Variants in CROCC observed in about 807,000 individuals in gnomAD.
The protein encoded by CROCC is rootletin.
A neutral mutation model predicts 245.2 loss-of-function variants in CROCC; 180 were observed. That is an observed-to-expected ratio of 0.73 (90% CI 0.65 to 0.83). CROCC has a LOEUF of 0.83. Among genes scored for constraint, CROCC ranks in the 40% least tolerant of loss-of-function variants. CROCC has a pLI of 0.00. For synonymous variants in CROCC, 1,205 were observed against 1,241.6 expected (o/e 0.97, Z 0.62); for missense variants, 2,688 against 2,779.4 (o/e 0.97, Z 0.74).
intron 31 of CROCC, 151 bp from the exon 32 acceptor site, chr1:16,968,950 GGCTGAGCCAGCAGGA>G: frequency 1.3e-6 from 1 of 748,260 alleles, no homozygotes. Context: ...GGTGGCAGTA[GGCTGAGCCAGCAGGA>G]GTGCTTAGGA....
Position 16,940,044 on chromosome 1 carries a change from G to T in CROCC, c.1759G>T (p.Ala587Ser), listed in dbSNP as rs760255950. The change falls in exon 13 of 37, where the codon GCC becomes TCC. Residue 587 changes from alanine to serine, a missense_variant. By Grantham distance (99) the Ala-to-Ser change is moderately conservative. This residue lies in a region of CROCC where 972 missense variants were observed against 895.3 expected (regional missense o/e 1.09). Coordinates refer to ENST00000375541, the MANE Select transcript of CROCC (RefSeq NM_014675.5). ...TDGAMQAHEDAQREVQRLRSA... is the reference protein window; with the variant it reads ...TDGAMQAHEDSQREVQRLRSA... ...CGGCGCCATGCAGGCCCACGAGGAC[G>T]CCCAGCGCGAGGTGCAGCGGCTGCG... The T allele has an allele frequency of 8.1e-6, 13 of 1,610,248 alleles. No individual in the cohort carries two copies. The highest frequency in any genetic ancestry group is 2.2e-5 in the East Asian group (1 of 44,886).
At chr1:16,924,237 G>T (rs118096108) in intron 2 of CROCC, 88 bp from the exon 3 acceptor site, 11 of 1,512,506 alleles carry the variant, frequency 7.3e-6, no homozygotes, top group African/African-American at 1.4e-5. Flanking sequence ...CCTCCCAGGG[G>T]CCTGGATGGT....
intron 3 of CROCC, among the ~76,000 whole-genome samples, chr1:16,924,897 G>A (rs1272927273): frequency 1.3e-5 from 2 of 152,266 alleles, no homozygotes; most frequent in African/African-American, 4.8e-5. Flanking sequence ...GCTGGTGTGG[G>A]CACCCGCGGT....
At chr1:16,961,193 C>G (rs2076327711) in intron 27 of CROCC, 63 bp downstream of exon 27, 11 of 1,246,642 alleles carry the variant, frequency 8.8e-6, no homozygotes, top group African/African-American at 1.6e-5. Context: ...GGCCCCGCCC[C>G]CACATGGCAG....
Position 16,965,982 on chromosome 1 carries a change from C to A in CROCC, c.4576-17C>A, listed in dbSNP as rs377344162. The A allele has an allele frequency of 1.4e-5, 22 of 1,609,850 alleles. No individual in the cohort carries two copies. The highest frequency in any genetic ancestry group is 1.8e-5 in the Non-Finnish European group (21 of 1,177,038). On this transcript the variant is annotated splice_polypyrimidine_tract_variant and intron_variant, in intron 28 of 36. Coordinates refer to ENST00000375541, the MANE Select transcript of CROCC (RefSeq NM_014675.5). ...AGAGCAGGGGTCTGTCTTTGTTCCC[C>A]CATGTCGGGGCTACAGGACGAACTT...
At chr1:16,927,702 C>T (rs1252003830) in intron 3 of CROCC, among the ~76,000 whole-genome samples, 1 of 152,414 alleles carries the variant, frequency 6.6e-6, no homozygotes, top group Admixed American at 6.5e-5. Context: ...AACATCAGTG[C>T]ACAGCCTGTG....
At position 16,960,913 on chromosome 1, in the gene CROCC, C is replaced by A; in HGVS notation, c.4188C>A (p.Ala1396=). Residue 1396 remains alanine (A), a synonymous_variant, in exon 27 of 37, where the codon GCC becomes GCA. Transcript: ENST00000375541. ...AGCTGAAGCTGGAGGCGGCGCGGGC[C>A]GAGGCTGCAGAGCTGGGCCTGCGGC... ...GLELKLEAAR[A]EAAELGLRLS... is the part of the protein sequence containing the mutation. The A allele has an allele frequency of 6.7e-7, 1 of 1,503,716 alleles. No individual in the cohort carries two copies. The highest frequency in any genetic ancestry group is 8.8e-7 in the Non-Finnish European group (1 of 1,133,504). The allele number at this position is 1,503,716 out of a possible 1,614,324, so 93.1% of individuals were successfully genotyped here.
At chr1:16,940,255 G>A (rs2075899029) in intron 13 of CROCC, among the ~76,000 whole-genome samples, 162 bp downstream of exon 13, 1 of 152,250 alleles carries the variant, frequency 6.6e-6, no homozygotes, top group African/African-American at 2.4e-5. Context: ...ATGGAGTCTC[G>A]CCCTGTCGCC....
At chr1:16,955,641 C>G in intron 24 of CROCC, 91 bp downstream of exon 24, 1 of 1,147,864 alleles carries the variant, frequency 8.7e-7, no homozygotes, top group Non-Finnish European at 1.2e-6. Context: ...GGAAATTGCC[C>G]AGATACGGAT....
rs546359025 is a variant in CROCC at position 16,966,303 on chromosome 1, A to C, written c.4697-105A>C. 7.0e-7 allele frequency: 1 copy of C among 1,433,026 alleles called. No individual in the cohort carries two copies. Among genetic ancestry groups the C allele is most frequent in the African/African-American group, 1.4e-5 (1 of 70,254 alleles). The allele number at this position is 1,433,026 out of a possible 1,614,324, so 88.8% of individuals were successfully genotyped here. On this transcript the variant is annotated intron_variant, in intron 29 of 36. Transcript: ENST00000375541. The surrounding 1 kb of genome is among the most constrained non-coding windows in gnomAD (Gnocchi z 4.8). The stretch of plus-strand genomic sequence containing the variant: ...CCCGCATACTACGAAGGGTGCAGAC[A>C]GTCTGGCCCTGCACTGGGTGGAGTG...
chr1:16,960,803 C>T lies in CROCC; in HGVS notation c.4078C>T (p.Arg1360Trp), dbSNP rs570804468. 10 of 1,531,558 alleles carry T rather than the reference C, an allele frequency of 6.5e-6. No homozygotes were observed. In the East Asian group the frequency reaches 1.0e-4, roughly 15 times the overall value. 94.9% of individuals were successfully genotyped at this position (1,531,558 alleles called of 1,614,324 possible). The change falls in exon 27 of 37, where the codon CGG becomes TGG. Residue 1360 changes from arginine to tryptophan, a missense_variant. Physicochemically the swap from Arg to Trp is moderately radical, Grantham distance 101 (BLOSUM62 -3). Around this residue, in one of 9 missense-constraint regions of CROCC, gnomAD observed 1,218 missense variants for 1,286.3 expected, o/e 0.95. Coordinates refer to ENST00000375541, the MANE Select transcript of CROCC (RefSeq NM_014675.5). ...RKLQEQEGEF[R>W]TRERRLLGSL... ...GCTGCAGGAACAAGAAGGCGAGTTCCGGACCCGCGAGCGACGCCTGCTGGG... is the reference window on the plus strand; with the variant it reads ...GCTGCAGGAACAAGAAGGCGAGTTCTGGACCCGCGAGCGACGCCTGCTGGG...
rs540716126 is a variant in CROCC, at chr1:16,948,363, G to A, written c.2547G>A (p.Glu849=). Residue 849 remains glutamate, a synonymous_variant, in exon 18 of 37, where the codon GAG becomes GAA. Coordinates refer to ENST00000375541, the MANE Select transcript of CROCC (RefSeq NM_014675.5). ...GGCAGCTGAGCGGGCGGGAGCAGGA[G>A]CTGGAGCAGGCCCGGCGGGAGGCCC... The part of the protein sequence containing the change: ...LSRQLSGREQ[E]LEQARREAQR... 239 of 1,579,672 alleles carry A rather than the reference G, an allele frequency of 1.5e-4. No homozygotes were observed. In the East Asian group the frequency reaches 2.2e-3, roughly 15 times the overall value.
At chr1:16,934,892 C>CTT (rs556637657) in intron 8 of CROCC, among the ~76,000 whole-genome samples, 41 of 128,486 alleles carry the variant, frequency 3.2e-4, no homozygotes, top group South Asian at 5.0e-4. Context: ...TCAGCAGTTT[C>CTT]TTTTTTTTTT....
intron 16 of CROCC, 102 bp downstream of exon 16, chr1:16,946,507 C>G: frequency 1.4e-6 from 2 of 1,448,766 alleles, no homozygotes; most frequent in Non-Finnish European, 1.9e-6. Flanking sequence ...CCCCTGCCTC[C>G]CTTTCTGTCC....
chr1:16,970,174 C>T, intron 33 of CROCC, 79 bp from the exon 34 acceptor site: 2 of 1,395,054 alleles, frequency 1.4e-6, no homozygotes, highest in African/African-American at 1.4e-5. Flanking sequence ...TGTGAGTGGG[C>T]CAGCCTCATT....
At position 16,948,257 on chromosome 1, in the gene CROCC, C is replaced by T. The variant is rs1445031188; in HGVS notation, c.2515-74C>T. On this transcript the variant is annotated intron_variant, in intron 17 of 36. Coordinates refer to ENST00000375541, the MANE Select transcript of CROCC (RefSeq NM_014675.5). Reference sequence around the variant, plus strand: ...CCTTCTGCCAGGACTGGGTTAGGCCCAGAGTTGGGGTGCTGCACGATGAAC... The same window carrying T: ...CCTTCTGCCAGGACTGGGTTAGGCCTAGAGTTGGGGTGCTGCACGATGAAC... The T allele has an allele frequency of 4.1e-6, 6 of 1,461,198 alleles. No individual in the cohort carries two copies. The African/African-American group carries it at 7.0e-5, about 17-fold the overall frequency. The allele number at this position is 1,461,198 out of a possible 1,614,324, so 90.5% of individuals were successfully genotyped here. A position where few individuals can be genotyped will look rare whatever the true frequency, so the allele number is the denominator to read the frequency against.
intron 27 of CROCC, among the ~76,000 whole-genome samples, chr1:16,964,139 T>TA (rs779969113): frequency 0.056 from 8,074 of 143,000 alleles, 285 homozygotes; most frequent in African/African-American, 0.088. Flanking sequence ...TTTTCTTTAT[T>TA]TTTTTTTTTT....
chr1:16,968,082 C>G, intron 30 of CROCC, 121 bp from the exon 31 acceptor site: 1 of 972,876 alleles, frequency 1.0e-6, no homozygotes, highest in African/African-American at 1.6e-5. Flanking sequence ...AGGCCGGCCC[C>G]AGGTCACGTA....
At chr1:16,969,661 A>C (rs1355719185) in intron 32 of CROCC, 124 bp from the exon 33 acceptor site, 34 of 1,393,784 alleles carry the variant, frequency 2.4e-5, no homozygotes, top group Non-Finnish European at 3.2e-5. Flanking sequence ...TTTGGTGTGC[A>C]CCCCACCCTC....
Sources: gnomAD v4.1 joint callset for allele counts (sites outside exome capture counted in the v4.1 genomes callset) on GRCh38, gnomAD v4.1.1 for gene constraint, gnomAD v4.1.1 regional missense constraint, Gnocchi (gnomAD v3.1) non-coding constraint, MANE v1.5 for transcripts, NCBI Gene and HGNC (gene_info 2026-07-23, HGNC 2026-07-21) for gene names.